Variants in ARCN1 observed in about 807,000 individuals in gnomAD.
ARCN1 encodes the protein coatomer subunit delta.
Under a neutral mutation model 60.4 loss-of-function variants are expected in ARCN1, and 5 were observed. The ratio of observed to expected loss-of-function variants is 0.08; its 90% CI spans 0.04 to 0.17. ARCN1 has a LOEUF of 0.17. Among genes scored for constraint, ARCN1 ranks in the 10% least tolerant of loss-of-function variants. The pLI is 1.00. For missense variants in ARCN1, 464 were observed against 626.5 expected (o/e 0.74, Z 2.77); for synonymous variants, 224 against 220.0 (o/e 1.02, Z -0.16).
chr11:118,597,020 C>T (rs1264725124), intron 8 of ARCN1, among the ~76,000 whole-genome samples: 1 of 152,048 alleles, frequency 6.6e-6, no homozygotes, highest in African/African-American at 2.4e-5. Flanking sequence ...CATCCTGGCC[C>T]GCATGGTGAA....
rs899192311 is a variant in ARCN1, at chr11:118,601,971, A to C, written c.*1257A>C. ...TAATCCATTCACATTCCTCAGTTTC[A>C]CCACCTCCCTCTTCCAGACTGCACT... is the stretch of plus-strand genomic sequence containing the variant. On this transcript the variant is annotated 3_prime_UTR_variant, in exon 10 of 10. Transcript: ENST00000264028. The C allele has an allele frequency of 9.6e-5, 47 of 491,262 alleles. No individual in the cohort carries two copies. Among genetic ancestry groups the C allele is most frequent in the Non-Finnish European group, 1.5e-4 (42 of 274,224 alleles). The allele number at this position is 491,262 out of a possible 1,614,324, so 30.4% of individuals were successfully genotyped here.
chr11:118,584,423 C>G, intron 4 of ARCN1, 57 bp from the exon 5 acceptor site: 1 of 1,514,402 alleles, frequency 6.6e-7, no homozygotes, highest in Non-Finnish European at 8.9e-7. Context: ...TTCATCAGAT[C>G]ATGTGTGCTT....
intron 8 of ARCN1, chr11:118,594,043 A>C (rs1487616758): frequency 5.7e-6 from 1 of 175,948 alleles, no homozygotes; most frequent in African/African-American, 2.4e-5. Flanking sequence ...GAAGATTAGC[A>C]TGGGCCCTGT....
intron 6 of ARCN1, among the ~76,000 whole-genome samples, chr11:118,591,485 C>A (rs548156285): frequency 1.3e-5 from 2 of 152,102 alleles, no homozygotes; most frequent in African/African-American, 4.8e-5. Context: ...TCTGCCTCCC[C>A]AGTTGAAGCA....
chr11:118,573,211 A>T (rs142317865), intron 1 of ARCN1, among the ~76,000 whole-genome samples: 257 of 152,274 alleles, frequency 1.7e-3, no homozygotes, highest in African/African-American at 6.0e-3. Context: ...TGTGTAGACC[A>T]CTGGGAAAAT....
At chr11:118,573,690 A>T in intron 1 of ARCN1, 1 of 702,836 alleles carries the variant, frequency 1.4e-6, no homozygotes, top group East Asian at 2.7e-5. Flanking sequence ...CAATCCTAAT[A>T]AGTTCTATTG....
intron 9 of ARCN1, among the ~76,000 whole-genome samples, chr11:118,599,749 T>G (rs1199109594): frequency 6.6e-6 from 1 of 152,154 alleles, no homozygotes; most frequent in African/African-American, 2.4e-5. Flanking sequence ...GTTTTTTAAT[T>G]TGCATTACTA....
At chr11:118,595,594 A>C (rs536461614) in intron 8 of ARCN1, among the ~76,000 whole-genome samples, 1 of 152,284 alleles carries the variant, frequency 6.6e-6, no homozygotes, top group South Asian at 2.1e-4. Context: ...AATGGTCTCT[A>C]CCTTATCTTT....
At chr11:118,582,303 TG>T (rs1938674734) in intron 2 of ARCN1, among the ~76,000 whole-genome samples, 1 of 152,090 alleles carries the variant, frequency 6.6e-6, no homozygotes, top group Admixed American at 6.5e-5. Flanking sequence ...TCGCCATGCC[TG>T]GCTAATTTTT....
chr11:118,590,098 C>T (rs1006779798), intron 5 of ARCN1, among the ~76,000 whole-genome samples: 1 of 152,100 alleles, frequency 6.6e-6, no homozygotes, highest in Non-Finnish European at 1.5e-5. Context: ...GTGGTTCAAG[C>T]GATTCTCCTG....
intron 1 of ARCN1, 71 bp from the exon 2 acceptor site, chr11:118,581,175 A>AT (rs782776667): frequency 2.5e-5 from 39 of 1,566,124 alleles, no homozygotes; most frequent in Non-Finnish European, 3.4e-5. Flanking sequence ...TCTATGGAAC[A>AT]TTTCCTGAGA....
In ARCN1 at chr11:118,590,391, G is replaced by T. The variant is rs1938876129; in HGVS notation, c.869G>T (p.Gly290Val). The change falls in exon 6 of 10, where the codon GGA becomes GTA. Residue 290 changes from glycine (G) to valine (V), a missense_variant. Coordinates refer to ENST00000264028, the MANE Select transcript of ARCN1 (RefSeq NM_001655.5). The stretch of plus-strand genomic sequence containing the variant: ...ATAACATTAACCTGTGGACGAGACG[G>T]AGGATTACAGAATATGGAGTTGCAT... ...EKITLTCGRD[G>V]GLQNMELHGM... 6.2e-7 allele frequency: 1 copy of T among 1,614,098 alleles called. No homozygotes were observed. The highest frequency in any genetic ancestry group is 8.5e-7 in the Non-Finnish European group (1 of 1,179,938).
rs1215181606 is a variant in ARCN1 at position 118,600,861 on chromosome 11, C to G, written c.*147C>G. 1.9e-5 allele frequency: 10 copies of G among 528,204 alleles called. No homozygotes were observed. Among genetic ancestry groups the G allele is most frequent in the Non-Finnish European group, 3.4e-5 (10 of 298,114 alleles). 32.7% of individuals were successfully genotyped at this position (528,204 alleles called of 1,614,324 possible). ...ACGATTCTCTGCGCGCAAGGACCCT[C>G]GACTCACCCCCATGTTTCAGTGTCA... On this transcript the variant is annotated 3_prime_UTR_variant, in exon 10 of 10. Coordinates refer to ENST00000264028, the MANE Select transcript of ARCN1 (RefSeq NM_001655.5).
Position 118,597,860 on chromosome 11 carries a change from C to G in ARCN1, c.1395C>G (p.Phe465Leu), listed in dbSNP as rs202005059. 12 of 1,614,180 alleles carry G rather than the reference C, an allele frequency of 7.4e-6. No individual in the cohort carries two copies. Among genetic ancestry groups the G allele is most frequent in the Non-Finnish European group, 1.0e-5 (12 of 1,180,042 alleles). The part of the protein sequence containing the change: ...EFSIAGQPND[F>L]FPVQVSFVSK... ...GCATTGCTGGGCAGCCCAATGACTT[C>G]TTCCCTGTTCAAGTTTCCTTTGTCT... Residue 465 changes from phenylalanine to leucine, a missense_variant, in exon 9 of 10, where the codon TTC becomes TTG. Phe to Leu is a conservative substitution (Grantham distance 22, BLOSUM62 0). Coordinates refer to ENST00000264028, the MANE Select transcript of ARCN1 (RefSeq NM_001655.5).
At chr11:118,580,120 C>T (rs1168679058) in intron 1 of ARCN1, among the ~76,000 whole-genome samples, 1 of 151,950 alleles carries the variant, frequency 6.6e-6, no homozygotes, top group African/African-American at 2.4e-5. Context: ...TCCAGAAGTT[C>T]AAGACCAGCC....
intron 2 of ARCN1, 145 bp from the exon 3 acceptor site, chr11:118,583,034 C>G (rs1054237403): frequency 5.3e-6 from 5 of 948,606 alleles, no homozygotes; most frequent in African/African-American, 1.7e-5. Flanking sequence ...GAGCGAGACT[C>G]TGTCCCAAAA....
intron 9 of ARCN1, among the ~76,000 whole-genome samples, chr11:118,599,665 G>A (rs537583767): frequency 6.6e-6 from 1 of 152,018 alleles, no homozygotes; most frequent in Admixed American, 6.6e-5. Flanking sequence ...CCTGACCTCA[G>A]ATGATCCGCC....
intron 6 of ARCN1, among the ~76,000 whole-genome samples, chr11:118,591,160 A>G (rs1938899003): frequency 6.6e-6 from 1 of 152,230 alleles, no homozygotes; most frequent in South Asian, 2.1e-4. Flanking sequence ...GTGTGTTCCA[A>G]CTATTGGATA....
chr11:118,578,019 G>A (rs1938561920), intron 1 of ARCN1, among the ~76,000 whole-genome samples: 1 of 151,988 alleles, frequency 6.6e-6, no homozygotes, highest in South Asian at 2.1e-4. Context: ...AGCCAGGCTT[G>A]GTGGTGCTGG....
Sources: allele counts gnomAD v4.1 joint callset (sites outside exome capture counted in the v4.1 genomes callset), GRCh38; gene constraint gnomAD v4.1.1; transcripts MANE v1.5; gene names NCBI Gene and HGNC (gene_info 2026-07-23, HGNC 2026-07-21).